Variants in PBX4 observed in about 807,000 individuals in gnomAD.
PBX4 encodes the protein pre-B-cell leukemia transcription factor 4.
A neutral mutation model predicts 35.1 loss-of-function variants in PBX4; 26 were observed. The ratio of observed to expected loss-of-function variants is 0.74; its 90% CI spans 0.54 to 1.03. The LOEUF is 1.03. Ranked by LOEUF, PBX4 falls within the 50% of genes least tolerant of loss-of-function variation. PBX4 has a pLI of 0.00. For missense variants in PBX4, 448 were observed against 504.3 expected (o/e 0.89, Z 1.07); for synonymous variants, 199 against 204.2 (o/e 0.97, Z 0.22).
chr19:19,567,703 G>A (rs915844851), intron 5 of PBX4, among the ~76,000 whole-genome samples: 2 of 152,130 alleles, frequency 1.3e-5, no homozygotes, highest in Non-Finnish European at 2.9e-5. Context: ...TAGCCTCTTG[G>A]TCTTAGTGTC....
intron 2 of PBX4, among the ~76,000 whole-genome samples, chr19:19,585,808 A>G (rs1195058842): frequency 1.3e-5 from 2 of 152,084 alleles, no homozygotes; most frequent in African/African-American, 2.4e-5. Flanking sequence ...CAAAAAACAC[A>G]TTACTCCTAA....
At chr19:19,610,192 T>C (rs188499152) in intron 1 of PBX4, among the ~76,000 whole-genome samples, 1,671 of 152,286 alleles carry the variant, frequency 0.011, 14 homozygotes, top group Non-Finnish European at 0.015. Context: ...GACGGGCGGA[T>C]CACCTGAGGT....
At position 19,564,924 on chromosome 19, in the gene PBX4, C is replaced by G. The variant is rs1332815225; in HGVS notation, c.925+9G>C. 1 of 1,614,252 alleles carries G rather than the reference C, an allele frequency of 6.2e-7. No homozygotes were observed. The highest frequency in any genetic ancestry group is 8.5e-7 in the Non-Finnish European group (1 of 1,180,040). On this transcript the variant is annotated intron_variant, in intron 6 of 7. Transcript: ENST00000251203. ...TACAGATGACTGTCCCTGGGCCAGC[C>G]TCACTCACCGGAGCTAGGTGTTGAC...
chr19:19,580,702 T>C (rs916440811), intron 2 of PBX4, among the ~76,000 whole-genome samples: 1 of 152,184 alleles, frequency 6.6e-6, no homozygotes, highest in African/African-American at 2.4e-5. Context: ...AGGACAGGGA[T>C]AGGGGAGGCA....
chr19:19,591,743 A>G (rs890419323), intron 2 of PBX4, among the ~76,000 whole-genome samples: 1 of 152,232 alleles, frequency 6.6e-6, no homozygotes, highest in Non-Finnish European at 1.5e-5. Flanking sequence ...TGTGGAGGTA[A>G]AGCCTGACAC....
At chr19:19,596,927 A>C (rs971366036) in intron 2 of PBX4, among the ~76,000 whole-genome samples, 3 of 149,976 alleles carry the variant, frequency 2.0e-5, no homozygotes, top group African/African-American at 7.3e-5. Context: ...AAAAAAAAAA[A>C]GGCCAGGTGT....
intron 2 of PBX4, among the ~76,000 whole-genome samples, chr19:19,573,326 A>ATTACAC (rs1410786143): frequency 1.2e-5 from 1 of 81,662 alleles, no homozygotes; most frequent in East Asian, 4.1e-4. Context: ...AAAAAAAAAA[A>ATTACAC]ATATACACAC....
At chr19:19,599,094 G>A (rs1442462281) in intron 2 of PBX4, among the ~76,000 whole-genome samples, 198 bp downstream of exon 2, 1 of 151,852 alleles carries the variant, frequency 6.6e-6, no homozygotes, top group Non-Finnish European at 1.5e-5. Flanking sequence ...TTAGCCCCCC[G>A]AGTAGCTGGG....
intron 1 of PBX4, among the ~76,000 whole-genome samples, chr19:19,605,899 T>C (rs945181991): frequency 3.3e-5 from 5 of 150,566 alleles, no homozygotes; most frequent in African/African-American, 1.2e-4. Context: ...TTACTTTAGA[T>C]ACAGTAGAAA....
chr19:19,570,232 G>T lies in PBX4; in HGVS notation c.509C>A (p.Ser170Tyr), dbSNP rs754474387. The T allele has an allele frequency of 6.2e-7, 1 of 1,614,096 alleles. No homozygotes were observed. Among genetic ancestry groups the T allele is most frequent in the Non-Finnish European group, 8.5e-7 (1 of 1,179,990 alleles). ...GACCATGCGCTCAATCTCCTTAGGG[G>T]AGACAGGCCTCATCCTGCTCTGCTC... ...LQEQSRMRPV[S>Y]PKEIERMVGA... The change falls in exon 4 of 8, where the codon TCC (serine) becomes TAC (tyrosine). Residue 170 changes from serine to tyrosine, a missense_variant. Ser to Tyr is a moderately radical substitution (Grantham distance 144, BLOSUM62 -2). Transcript: ENST00000251203.
intron 1 of PBX4, among the ~76,000 whole-genome samples, chr19:19,601,025 C>T (rs1335107505): frequency 6.6e-6 from 1 of 152,072 alleles, no homozygotes; most frequent in Admixed American, 6.6e-5. Flanking sequence ...GAGACACAGA[C>T]AGGTAAGGTT....
chr19:19,617,048 C>T (rs2061692505), intron 1 of PBX4, among the ~76,000 whole-genome samples: 4 of 152,198 alleles, frequency 2.6e-5, no homozygotes, highest in African/African-American at 4.8e-5. Context: ...AGCCAGACTC[C>T]GCTTTTTACA....
intron 2 of PBX4, among the ~76,000 whole-genome samples, chr19:19,575,759 C>T (rs995918354): frequency 1.2e-4 from 19 of 152,186 alleles, no homozygotes; most frequent in African/African-American, 4.3e-4. Flanking sequence ...ACTGTTCCCT[C>T]GCGGAGCCTT....
rs913537492 is a variant in PBX4 at position 19,563,689 on chromosome 19, G to A, written c.926-74C>T. 73 of 1,291,950 alleles carry A rather than the reference G, an allele frequency of 5.7e-5. No individual in the cohort carries two copies. Among genetic ancestry groups the A allele is most frequent in the Non-Finnish European group, 7.0e-5 (64 of 914,984 alleles). 80.0% of individuals were successfully genotyped at this position (1,291,950 alleles called of 1,614,324 possible). A position where few individuals can be genotyped will look rare whatever the true frequency, so the allele number is the denominator to read the frequency against. On this transcript the variant is annotated intron_variant, in intron 6 of 7. Transcript: ENST00000251203. This position sits in a 1 kb window ranked among gnomAD's most constrained non-coding sequence, Gnocchi z 5.1. ...GTGGAACCCACCCAGCCCCTCAGCCGGCAGGAGGCCTCGAATGTGGCTCCT... is the reference window on the plus strand; with the variant it reads ...GTGGAACCCACCCAGCCCCTCAGCCAGCAGGAGGCCTCGAATGTGGCTCCT...
At chr19:19,582,849 G>A (rs953337491) in intron 2 of PBX4, among the ~76,000 whole-genome samples, 14 of 152,182 alleles carry the variant, frequency 9.2e-5, no homozygotes, top group African/African-American at 3.1e-4. Flanking sequence ...TGGAGACCAC[G>A]TTCCCCCCAC....
Position 19,561,869 on chromosome 19 carries a change from G to A in PBX4, c.*156C>T, listed in dbSNP as rs1216707925. ...CCATCTCGAGTCGCAGCAGACACAT[G>A]AGCCGGCGCCACGGGCCTGGCTGAG... On this transcript the variant is annotated 3_prime_UTR_variant, in exon 8 of 8. Transcript: ENST00000251203. 1.8e-6 allele frequency: 1 copy of A among 564,794 alleles called. No individual in the cohort carries two copies. Among genetic ancestry groups the A allele is most frequent in the East Asian group, 3.2e-5 (1 of 31,438 alleles). 35.0% of individuals were successfully genotyped at this position (564,794 alleles called of 1,614,324 possible).
intron 1 of PBX4, among the ~76,000 whole-genome samples, chr19:19,615,537 C>T (rs1351990125): frequency 6.6e-6 from 1 of 152,140 alleles, no homozygotes; most frequent in Non-Finnish European, 1.5e-5. Context: ...ATGCCAGAAC[C>T]CAGTTCAGTA....
chr19:19,570,372 G>A lies in PBX4; in HGVS notation c.442-73C>T, dbSNP rs538729697. The A allele has an allele frequency of 3.8e-5, 57 of 1,505,916 alleles. No individual in the cohort carries two copies. In the Admixed American group the frequency reaches 6.7e-4, roughly 18 times the overall value. 93.3% of individuals were successfully genotyped at this position (1,505,916 alleles called of 1,614,324 possible). ...GGCACAGGGCAGCAGGTTCCACAGCGGAGCAGCCGCCTGCCACCCCCTGTA... is the reference window on the plus strand; with the variant it reads ...GGCACAGGGCAGCAGGTTCCACAGCAGAGCAGCCGCCTGCCACCCCCTGTA... On this transcript the variant is annotated intron_variant, in intron 3 of 7. Coordinates refer to ENST00000251203, the MANE Select transcript of PBX4 (RefSeq NM_025245.3).
intron 1 of PBX4, among the ~76,000 whole-genome samples, chr19:19,604,444 G>T (rs2061616545): frequency 8.9e-6 from 1 of 112,658 alleles, no homozygotes; most frequent in Non-Finnish European, 1.7e-5. Flanking sequence ...TCCCGTCTGG[G>T]CAACAGAGCG....
Sources: gnomAD v4.1 joint callset for allele counts (sites outside exome capture counted in the v4.1 genomes callset) on GRCh38, gnomAD v4.1.1 for gene constraint, Gnocchi (gnomAD v3.1) non-coding constraint, MANE v1.5 for transcripts, NCBI Gene and HGNC (gene_info 2026-07-23, HGNC 2026-07-21) for gene names.